Variants in SERPINE2 observed in about 807,000 individuals in gnomAD.
SERPINE2 encodes glia-derived nexin.
SERPINE2 carries 14 observed loss-of-function variants against 36.3 expected under a neutral mutation model. The ratio of observed to expected loss-of-function variants is 0.39; its 90% CI spans 0.25 to 0.60. The LOEUF is 0.60. Ranked by LOEUF, SERPINE2 falls within the 20% of genes least tolerant of loss-of-function variation. The pLI, the probability that SERPINE2 is intolerant of heterozygous loss-of-function variation, is 0.57. For synonymous variants in SERPINE2, 192 were observed against 191.8 expected (o/e 1.00, Z -0.01); for missense variants, 418 against 499.6 (o/e 0.84, Z 1.56).
At chr2:224,023,536 G>A (rs1271613334) in intron 1 of SERPINE2, among the ~76,000 whole-genome samples, 1 of 152,222 alleles carries the variant, frequency 6.6e-6, no homozygotes, top group Non-Finnish European at 1.5e-5. Flanking sequence ...GAAAGGAAGA[G>A]CTCAGTGCAG....
intron 3 of SERPINE2, among the ~76,000 whole-genome samples, chr2:223,996,111 C>T (rs1690877370): frequency 2.6e-5 from 4 of 152,166 alleles, no homozygotes; most frequent in Admixed American, 2.6e-4. Context: ...CAGGAGTCTC[C>T]ATGCTTCTTC....
chr2:224,034,848 G>C (rs779033523), intron 1 of SERPINE2, among the ~76,000 whole-genome samples: 2 of 152,186 alleles, frequency 1.3e-5, no homozygotes, highest in African/African-American at 2.4e-5. Flanking sequence ...TTTGTAAACA[G>C]CAGGACTGTC....
intron 1 of SERPINE2, chr2:224,030,215 C>T (rs961592235): frequency 6.1e-6 from 6 of 985,282 alleles, no homozygotes; most frequent in East Asian, 2.3e-4. Context: ...AGCCTGCGGG[C>T]AGGACAGATG....
chr2:224,035,021 G>A (rs915556095), intron 1 of SERPINE2, among the ~76,000 whole-genome samples: 2 of 152,166 alleles, frequency 1.3e-5, no homozygotes, highest in African/African-American at 4.8e-5. Flanking sequence ...AGGGATTTAA[G>A]CCCAGATCAA....
Position 223,984,834 on chromosome 2 carries a change from T to C in SERPINE2, c.802A>G (p.Ile268Val), listed in dbSNP as rs763261842. 4 of 1,614,008 alleles carry C rather than the reference T, an allele frequency of 2.5e-6. No individual in the cohort carries two copies. The highest frequency in any genetic ancestry group is 2.2e-5 in the South Asian group (2 of 91,088). The change falls in exon 5 of 9, where the codon ATC becomes GTC. Residue 268 changes from isoleucine (I) to valine (V), a missense_variant. Coordinates refer to ENST00000409304, the MANE Select transcript of SERPINE2 (RefSeq NM_001136528.2). ...PTESSTPLSA[I>V]IPHISTKTID... Reference sequence around the variant, plus strand: ...GTCTTGGTGCTGATGTGTGGGATGATGGCAGACAGCGGAGTGGAGCTCTCA... The same window carrying C: ...GTCTTGGTGCTGATGTGTGGGATGACGGCAGACAGCGGAGTGGAGCTCTCA...
chr2:223,996,902 C>A (rs1043439550), intron 3 of SERPINE2, among the ~76,000 whole-genome samples: 1 of 152,220 alleles, frequency 6.6e-6, no homozygotes, highest in South Asian at 2.1e-4. Context: ...CACAGTGAGA[C>A]CCCACCTCTT....
rs533971994 is a variant in SERPINE2, at chr2:224,006,727, A to G, written c.-22-4805T>C. 1.7e-4 allele frequency among the ~76,000 whole-genome samples: 26 copies of G among 152,338 alleles called. No individual in the cohort carries two copies. In the South Asian group the frequency reaches 5.2e-3, roughly 30 times the overall value. On this transcript the variant is annotated intron_variant, in intron 1 of 8. Coordinates refer to ENST00000409304, the MANE Select transcript of SERPINE2 (RefSeq NM_001136528.2). Reference sequence around the variant, plus strand: ...AGCAAGTGTTTGATGTGCAATACAGAGTATTCTAAAAATATTTTTAGCAAC... The same window carrying G: ...AGCAAGTGTTTGATGTGCAATACAGGGTATTCTAAAAATATTTTTAGCAAC...
intron 4 of SERPINE2, among the ~76,000 whole-genome samples, chr2:223,985,720 A>T (rs3177564): frequency 0.65 from 98,100 of 152,054 alleles, 33,864 homozygotes; most frequent in Non-Finnish European, 0.79. Context: ...CAAAGGATGC[A>T]CGGCTAAGAA....
In SERPINE2 at chr2:223,980,368, A is replaced by C; in HGVS notation, c.1015T>G (p.Leu339Val). Reference protein sequence around the residue: ...RSENLHVSHILQKAKIEVSED... With the variant: ...RSENLHVSHIVQKAKIEVSED... ...CTGACTTCAATTTTTGCTTTTTGCA[A>C]GATATGAGAAACATGGAGGTTTTCT... The change falls in exon 7 of 9, where the codon TTG becomes GTG. Residue 339 changes from leucine to valine, a missense_variant. Leu to Val is a conservative substitution (Grantham distance 32). Transcript: ENST00000409304. The C allele has an allele frequency of 6.2e-7, 1 of 1,614,144 alleles. No homozygotes were observed. The highest frequency in any genetic ancestry group is 8.5e-7 in the Non-Finnish European group (1 of 1,179,982).
rs183672938 is a variant in SERPINE2 at position 224,000,427 on chromosome 2, A to G, written c.259+1215T>C. Among the ~76,000 whole-genome samples the G allele has an allele frequency of 2.0e-5, 3 of 152,332 alleles. No individual in the cohort carries two copies. The East Asian group carries it at 5.8e-4, about 29-fold the overall frequency. ...CGTGCAGTTAAATGGGTCATTTAAG[A>G]AAGGTTTTTCTTTAACTCAAACTAA... On this transcript the variant is annotated intron_variant, in intron 2 of 8. Coordinates refer to ENST00000409304, the MANE Select transcript of SERPINE2 (RefSeq NM_001136528.2).
chr2:224,006,003 G>A (rs570066838), intron 1 of SERPINE2, among the ~76,000 whole-genome samples: 1 of 152,276 alleles, frequency 6.6e-6, no homozygotes, highest in Non-Finnish European at 1.5e-5. Context: ...TTATGAAATA[G>A]CTGGGTACTG....
rs190414772 is a variant in SERPINE2 at position 224,027,960 on chromosome 2, C to G, written c.-23+11139G>C. ...CAAGTCTTGTGGACTCTCTTTTACC[C>G]TCTAGAATGAATCTTCCTCGAGAAC... On this transcript the variant is annotated intron_variant, in intron 1 of 8. Transcript: ENST00000409304. Among the ~76,000 whole-genome samples the G allele has an allele frequency of 2.8e-4, 43 of 152,288 alleles. 1 individual carries two copies. Among genetic ancestry groups the G allele is most frequent in the Non-Finnish European group, 8.8e-5 (6 of 68,028 alleles).
chr2:224,026,545 T>C (rs1692192052), intron 1 of SERPINE2, among the ~76,000 whole-genome samples: 1 of 152,212 alleles, frequency 6.6e-6, no homozygotes, highest in African/African-American at 2.4e-5. Context: ...TATCTAGTTT[T>C]TTTGCGAACT....
chr2:223,995,607 GTTT>G (rs869079550), intron 3 of SERPINE2, among the ~76,000 whole-genome samples: 1 of 150,940 alleles, frequency 6.6e-6, no homozygotes, highest in African/African-American at 2.4e-5. Flanking sequence ...GGTGTTTTGG[GTTT>G]TTTGTTTTTG....
intron 2 of SERPINE2, among the ~76,000 whole-genome samples, chr2:224,000,511 GTATC>G (rs565002360): frequency 1.2e-4 from 19 of 152,052 alleles, no homozygotes; most frequent in African/African-American, 3.1e-4. Context: ...CTCTCTCTAC[GTATC>G]TATCTATCTA....
Position 224,027,829 on chromosome 2 carries a change from AGAGT to A in SERPINE2, c.-23+11266_-23+11269del, listed in dbSNP as rs1344966941. 3.3e-5 allele frequency among the ~76,000 whole-genome samples: 5 copies of A among 152,330 alleles called. No homozygotes were observed. The East Asian group carries it at 9.6e-4, about 29-fold the overall frequency. On this transcript the variant is annotated intron_variant, in intron 1 of 8. Coordinates refer to ENST00000409304, the MANE Select transcript of SERPINE2 (RefSeq NM_001136528.2). ...CTGTGCCCCTCTAAGCACCTCTTACAGAGTAAGTGCTCAAAAACTAGCTCTTCAG... is the reference window on the plus strand; with the variant it reads ...CTGTGCCCCTCTAAGCACCTCTTACAAAGTGCTCAAAAACTAGCTCTTCAG...
intron 1 of SERPINE2, among the ~76,000 whole-genome samples, chr2:224,036,948 T>C (rs1451665440): frequency 6.6e-6 from 1 of 152,020 alleles, no homozygotes. Context: ...CTGGAGACAT[T>C]AGTCACTGCC....
chr2:223,990,168 C>A (rs1410324497), intron 4 of SERPINE2, among the ~76,000 whole-genome samples: 2 of 152,044 alleles, frequency 1.3e-5, no homozygotes, highest in Non-Finnish European at 2.9e-5. Flanking sequence ...AGCAGCAAAC[C>A]CAGCAAGAAG....
Position 223,977,623 on chromosome 2 carries a change from TGCA to T in SERPINE2, c.1074_1076del (p.Ala359del). Reference sequence around the variant, plus strand: ...GAGGCGATGATCTTGCAATGAGAATTGCAGCTACGGGAAGAAAAGGAAAATGTG... The same window carrying T: ...GAGGCGATGATCTTGCAATGAGAATTGCTACGGGAAGAAAAGGAAAATGTG... On this transcript the variant is annotated inframe_deletion and splice_region_variant, in exon 8 of 9. Transcript: ENST00000409304. 1.2e-6 allele frequency: 2 copies of T among 1,611,080 alleles called. No individual in the cohort carries two copies. The highest frequency in any genetic ancestry group is 1.7e-6 in the Non-Finnish European group (2 of 1,177,236).
Sources: allele counts gnomAD v4.1 joint callset (sites outside exome capture counted in the v4.1 genomes callset), GRCh38; gene constraint gnomAD v4.1.1; transcripts MANE v1.5; gene names NCBI Gene and HGNC (gene_info 2026-07-23, HGNC 2026-07-21).